Variants in B4GALT5 observed in about 807,000 individuals in gnomAD.
B4GALT5 encodes the protein UDP-Gal:beta-GlcNAc beta-1,4-galactosyltransferase 5.
B4GALT5 carries 11 observed loss-of-function variants against 45.0 expected under a neutral mutation model. The ratio of observed to expected loss-of-function variants is 0.24; its 90% CI spans 0.15 to 0.40. B4GALT5 has a LOEUF of 0.40. Among genes scored for constraint, B4GALT5 ranks in the 10% least tolerant of loss-of-function variants. The probability of loss-of-function intolerance (pLI) is 1.00; values close to 1 mark genes in which losing one functional copy is unlikely to be tolerated. For missense variants in B4GALT5, 337 were observed against 500.2 expected (o/e 0.67, Z 3.11); for synonymous variants, 185 against 182.9 (o/e 1.01, Z -0.09).
chr20:49,667,250 GT>G, intron 1 of B4GALT5, among the ~76,000 whole-genome samples: 1 of 144,920 alleles, frequency 6.9e-6, no homozygotes, highest in East Asian at 2.0e-4. Flanking sequence ...TTTTTGGCTT[GT>G]GTTGTTGTTG....
intron 1 of B4GALT5, among the ~76,000 whole-genome samples, chr20:49,704,899 G>A (rs74679280): frequency 0.014 from 2,178 of 152,124 alleles, 62 homozygotes; most frequent in African/African-American, 0.05. Flanking sequence ...GAACAGGTTC[G>A]CTTCTGATTG....
At chr20:49,643,108 G>A (rs73117471) in intron 4 of B4GALT5, among the ~76,000 whole-genome samples, 3,087 of 152,304 alleles carry the variant, frequency 0.02, 45 homozygotes, top group Non-Finnish European at 0.031. Context: ...AACTACTGAT[G>A]TCTTCTGACT....
intron 1 of B4GALT5, among the ~76,000 whole-genome samples, chr20:49,684,125 A>G (rs1339157380): frequency 6.6e-6 from 1 of 151,882 alleles, no homozygotes; most frequent in East Asian, 1.9e-4. Flanking sequence ...TGGGCAACAG[A>G]GCAAGATTCC....
At chr20:49,695,198 T>C (rs1462024599) in intron 1 of B4GALT5, among the ~76,000 whole-genome samples, 5 of 127,722 alleles carry the variant, frequency 3.9e-5, no homozygotes, top group African/African-American at 1.4e-4. Flanking sequence ...TCTGGCATAG[T>C]GCAGTAATTT....
chr20:49,655,807 T>G (rs186679997), intron 2 of B4GALT5, among the ~76,000 whole-genome samples: 3 of 151,560 alleles, frequency 2.0e-5, no homozygotes, highest in Non-Finnish European at 4.4e-5. Context: ...CATGCTCCTG[T>G]AATCCCAGCT....
intron 2 of B4GALT5, among the ~76,000 whole-genome samples, chr20:49,654,624 T>C (rs4809749): frequency 0.99 from 151,502 of 152,362 alleles, 75,327 homozygotes; most frequent in East Asian, 1. Flanking sequence ...AGAGGCAATG[T>C]TTTCTCTTGA....
intron 1 of B4GALT5, 49 bp from the exon 2 acceptor site, chr20:49,656,751 T>C (rs1481224292): frequency 6.2e-7 from 1 of 1,611,462 alleles, no homozygotes; most frequent in East Asian, 2.2e-5. Flanking sequence ...AAGCAATCAT[T>C]TAAAAAAACA....
Position 49,713,686 on chromosome 20 carries a change from C to T in B4GALT5, c.5G>A (p.Arg2His). Residue 2 changes from arginine to histidine, a missense_variant, in exon 1 of 9, where the codon CGC (arginine) becomes CAC (histidine). Physicochemically the swap from Arg to His is conservative, Grantham distance 29. This residue lies in a region of B4GALT5 where 174 missense variants were observed against 207.4 expected (regional missense o/e 0.84). Transcript: ENST00000371711. Reference sequence around the variant, plus strand: ...CAGCCGCAGCAGCCCCCGGCGGGCGCGCATGCTGCAGCCAGGCGGCCGCTA... The same window carrying T: ...CAGCCGCAGCAGCCCCCGGCGGGCGTGCATGCTGCAGCCAGGCGGCCGCTA... M[R>H]ARRGLLRLPR... 6.8e-7 allele frequency: 1 copy of T among 1,471,840 alleles called. No homozygotes were observed. The highest frequency in any genetic ancestry group is 9.1e-7 in the Non-Finnish European group (1 of 1,095,414). The allele number at this position is 1,471,840 out of a possible 1,614,324, so 91.2% of individuals were successfully genotyped here.
At position 49,637,433 on chromosome 20, in the gene B4GALT5, A is replaced by G. The variant is rs1235355165; in HGVS notation, c.927T>C (p.Asn309=). Reference sequence around the variant, plus strand: ...CTGGCCGGCTCACAGAATAGCCTGCATTCTGTACTCTGTCCAAGACCAAGA... The same window carrying G: ...CTGGCCGGCTCACAGAATAGCCTGCGTTCTGTACTCTGTCCAAGACCAAGA... ...EDDDLWNRVQ[N]AGYSVSRPEG... The change falls in exon 8 of 9, where the codon AAT becomes AAC. Residue 309 remains asparagine (N), a synonymous_variant. Transcript: ENST00000371711. 1.2e-6 allele frequency: 2 copies of G among 1,613,792 alleles called. No homozygotes were observed. The highest frequency in any genetic ancestry group is 2.2e-5 in the East Asian group (1 of 44,900).
intron 1 of B4GALT5, among the ~76,000 whole-genome samples, chr20:49,659,952 G>C (rs907897170): frequency 7.2e-5 from 11 of 151,874 alleles, no homozygotes; most frequent in African/African-American, 2.7e-4. Flanking sequence ...GCTAATTTTT[G>C]TATTTTTCAT....
chr20:49,636,197 A>G lies in B4GALT5; in HGVS notation c.*115T>C. ...TTCCCCCTGAACTCTGTGATCCTTCATGAGACACAGTATTTCTGTTCTCTT... is the reference window on the plus strand; with the variant it reads ...TTCCCCCTGAACTCTGTGATCCTTCGTGAGACACAGTATTTCTGTTCTCTT... On this transcript the variant is annotated 3_prime_UTR_variant, in exon 9 of 9. Transcript: ENST00000371711. The G allele has an allele frequency of 1.5e-6, 2 of 1,342,302 alleles. No homozygotes were observed. Among genetic ancestry groups the G allele is most frequent in the Non-Finnish European group, 2.1e-6 (2 of 971,848 alleles). 83.1% of individuals were successfully genotyped at this position (1,342,302 alleles called of 1,614,324 possible). A position where few individuals can be genotyped will look rare whatever the true frequency, so the allele number is the denominator to read the frequency against.
At chr20:49,691,216 C>CTATA (rs1250470844) in intron 1 of B4GALT5, among the ~76,000 whole-genome samples, 1 of 152,070 alleles carries the variant, frequency 6.6e-6, no homozygotes, top group Non-Finnish European at 1.5e-5. Flanking sequence ...GACACTGCTC[C>CTATA]TATATCAAGT....
chr20:49,674,081 C>CAAAAAAAAA (rs34718276), intron 1 of B4GALT5, among the ~76,000 whole-genome samples: 2 of 94,534 alleles, frequency 2.1e-5, no homozygotes, highest in South Asian at 4.1e-4. Context: ...ATTAAAAATA[C>CAAAAAAAAA]AAAAAAAAAA....
At chr20:49,690,717 T>C (rs1037992354) in intron 1 of B4GALT5, among the ~76,000 whole-genome samples, 1 of 152,200 alleles carries the variant, frequency 6.6e-6, no homozygotes, top group African/African-American at 2.4e-5. Context: ...AACAGCTAAT[T>C]TTCAATGAAA....
chr20:49,650,456 TAAA>T (rs141588605), intron 2 of B4GALT5, among the ~76,000 whole-genome samples: 7,035 of 128,368 alleles, frequency 0.055, 328 homozygotes, highest in African/African-American at 0.14. Context: ...CCATCTCTGC[TAAA>T]AAAAAAAAAA....
intron 2 of B4GALT5, among the ~76,000 whole-genome samples, chr20:49,652,533 C>T (rs977754663): frequency 3.3e-5 from 5 of 151,900 alleles, no homozygotes; most frequent in East Asian, 1.9e-4. Context: ...ACATCTAAAA[C>T]CACCGAGAAA....
intron 1 of B4GALT5, among the ~76,000 whole-genome samples, chr20:49,658,495 T>C (rs146740425): frequency 5.8e-4 from 88 of 152,346 alleles, no homozygotes; most frequent in African/African-American, 1.9e-3. Context: ...TTGAAAATTT[T>C]GTGTAAAGCT....
intron 4 of B4GALT5, 88 bp from the exon 5 acceptor site, chr20:49,642,672 C>T: frequency 5.9e-6 from 5 of 850,396 alleles, no homozygotes; most frequent in Non-Finnish European, 9.5e-6. Context: ...GCTGACCAAC[C>T]CATGGGAGTT....
At chr20:49,707,841 T>C (rs1173589088) in intron 1 of B4GALT5, among the ~76,000 whole-genome samples, 2 of 151,678 alleles carry the variant, frequency 1.3e-5, no homozygotes, top group Admixed American at 6.6e-5. Flanking sequence ...CTTGAACTCC[T>C]GGACACAAGG....
Sources: allele counts gnomAD v4.1 joint callset (sites outside exome capture counted in the v4.1 genomes callset), GRCh38; gene constraint gnomAD v4.1.1; regional missense constraint gnomAD v4.1.1; transcripts MANE v1.5; gene names NCBI Gene and HGNC (gene_info 2026-07-23, HGNC 2026-07-21).